Variants in PEX5 observed in about 807,000 individuals in gnomAD.
PEX5 encodes the protein PTS1 receptor.
Under a neutral mutation model 82.9 loss-of-function variants are expected in PEX5, and 52 were observed. That is an observed-to-expected ratio of 0.63 (90% CI 0.50 to 0.79). PEX5 has a LOEUF of 0.79. Among genes scored for constraint, PEX5 ranks in the 30% least tolerant of loss-of-function variants. The pLI is 0.00. For missense variants in PEX5, 719 were observed against 815.2 expected (o/e 0.88, Z 1.44); for synonymous variants, 300 against 318.8 (o/e 0.94, Z 0.63).
chr12:7,208,440 C>T lies in PEX5; in HGVS notation c.1182-17C>T. The T allele has an allele frequency of 6.3e-7, 1 of 1,595,116 alleles. No individual in the cohort carries two copies. Among genetic ancestry groups the T allele is most frequent in the Non-Finnish European group, 8.6e-7 (1 of 1,163,220 alleles). On this transcript the variant is annotated splice_polypyrimidine_tract_variant and intron_variant, in intron 12 of 15. Transcript: ENST00000675855. Reference sequence around the variant, plus strand: ...AGTCATTGCAGATATCAAGTCTGCCCATCCCTGATCAAACAGGTGTCTGGA... The same window carrying T: ...AGTCATTGCAGATATCAAGTCTGCCTATCCCTGATCAAACAGGTGTCTGGA...
chr12:7,194,090 T>A (rs928514576), intron 5 of PEX5, among the ~76,000 whole-genome samples: 4 of 152,244 alleles, frequency 2.6e-5, no homozygotes, highest in Non-Finnish European at 4.4e-5. Flanking sequence ...GACTTTTTTT[T>A]ATTATCCTTC....
intron 12 of PEX5, 62 bp from the exon 13 acceptor site, chr12:7,208,395 T>C: frequency 4.1e-6 from 5 of 1,221,414 alleles, no homozygotes; most frequent in East Asian, 2.4e-5. Flanking sequence ...GATCCCAGGG[T>C]GCTCACATGT....
At chr12:7,208,421 T>G in intron 12 of PEX5, 36 bp from the exon 13 acceptor site, 1 of 1,496,410 alleles carries the variant, frequency 6.7e-7, no homozygotes, top group Non-Finnish European at 9.3e-7. Context: ...TGTCAGTCAT[T>G]GCAGATATCA....
chr12:7,193,036 G>A (rs570524679), intron 5 of PEX5, among the ~76,000 whole-genome samples: 80 of 152,264 alleles, frequency 5.3e-4, no homozygotes, highest in Non-Finnish European at 9.3e-4. Flanking sequence ...AACAGTAGGT[G>A]CTCTTGGCTT....
At chr12:7,191,161 G>A in intron 3 of PEX5, 65 bp from the exon 4 acceptor site, 1 of 1,588,286 alleles carries the variant, frequency 6.3e-7, no homozygotes, top group Non-Finnish European at 8.6e-7. Flanking sequence ...CCCCTCCAGT[G>A]GGTCCTGCCT....
chr12:7,203,229 C>CGG (rs1944363434), intron 9 of PEX5, among the ~76,000 whole-genome samples: 1 of 82,710 alleles, frequency 1.2e-5, no homozygotes, highest in African/African-American at 3.6e-5. Flanking sequence ...CACTACATTA[C>CGG]ATTTCTGGCC....
chr12:7,204,489 T>G (rs1053247279), intron 10 of PEX5, among the ~76,000 whole-genome samples: 2 of 152,244 alleles, frequency 1.3e-5, no homozygotes, highest in Admixed American at 6.5e-5. Flanking sequence ...TTGCTTATTA[T>G]TCCAGTCTGA....
At chr12:7,190,283 C>G in intron 1 of PEX5, 79 bp from the exon 2 acceptor site, 1 of 1,595,212 alleles carries the variant, frequency 6.3e-7, no homozygotes, top group Non-Finnish European at 8.5e-7. Flanking sequence ...TGTGTGCCTT[C>G]CTCAGATACG....
downstream of PEX5, among the ~76,000 whole-genome samples, chr12:7,215,313 T>C (rs530566577): frequency 6.6e-6 from 1 of 152,168 alleles, no homozygotes; most frequent in Non-Finnish European, 1.5e-5. Context: ...TGTAAATCAG[T>C]TCAGCCACTG....
intron 2 of PEX5, 113 bp from the exon 3 acceptor site, chr12:7,190,775 T>TAAA (rs1940932568): frequency 7.6e-7 from 1 of 1,323,426 alleles, no homozygotes; most frequent in Admixed American, 1.7e-5. Flanking sequence ...CACCTTTAAA[T>TAAA]AAATGCAACC....
intron 5 of PEX5, among the ~76,000 whole-genome samples, chr12:7,194,317 GA>G (rs1051153880): frequency 1.4e-4 from 21 of 148,924 alleles, no homozygotes; most frequent in South Asian, 2.1e-4. Context: ...ACTGGAAGTT[GA>G]AAAAAAAAAT....
chr12:7,202,292 G>C lies in PEX5; in HGVS notation c.694G>C (p.Gly232Arg). Residue 232 changes from glycine (G) to arginine (R), a missense_variant, in exon 8 of 16, where the codon GGT (glycine) becomes CGT (arginine). Coordinates refer to ENST00000675855, the MANE Select transcript of PEX5 (RefSeq NM_001351132.2). ...IGEGQVSLES[G>R]AGSGRAQAEQ... ...CGAAGGGCAGGTGTCCCTGGAGTCC[G>C]GTGCAGGGTCGGGCCGAGCTCAGGC... The C allele has an allele frequency of 2.5e-6, 4 of 1,614,084 alleles. No homozygotes were observed. The highest frequency in any genetic ancestry group is 2.2e-5 in the South Asian group (2 of 91,078).
chr12:7,189,731 G>A lies in PEX5; in HGVS notation c.-36G>A, dbSNP rs1214605246. 1 of 394,106 alleles carries A rather than the reference G, an allele frequency of 2.5e-6. No homozygotes were observed. The highest frequency in any genetic ancestry group is 4.3e-6 in the Non-Finnish European group (1 of 230,068). The allele number at this position is 394,106 out of a possible 1,614,324, so 24.4% of individuals were successfully genotyped here. ...CCAGCACCTGGTGCCCCGGCGGGTCGTGCGGCGCGGCGCTCCGCGGTGAGC... is the reference window on the plus strand; with the variant it reads ...CCAGCACCTGGTGCCCCGGCGGGTCATGCGGCGCGGCGCTCCGCGGTGAGC... On this transcript the variant is annotated 5_prime_UTR_variant, in exon 1 of 16. The change creates a new upstream start codon in the 5' untranslated region. Transcript: ENST00000675855.
At chr12:7,208,407 C>A in intron 12 of PEX5, 50 bp from the exon 13 acceptor site, 1 of 1,397,706 alleles carries the variant, frequency 7.2e-7, no homozygotes, top group Non-Finnish European at 1.0e-6. Flanking sequence ...CTCACATGTG[C>A]CAGTGTCAGT....
Position 7,191,557 on chromosome 12 carries a change from C to CTG in PEX5, c.317-11_317-10insGT, listed in dbSNP as rs779639697. Reference sequence around the variant, plus strand: ...TGTATTCTTTCTTAGTTTTCTCTCTCTCTCTTTTAAGCCCCTGGTGTGGCA... The same window carrying CTG: ...TGTATTCTTTCTTAGTTTTCTCTCTCTGTCTCTTTTAAGCCCCTGGTGTGGCA... On this transcript the variant is annotated splice_polypyrimidine_tract_variant and intron_variant, in intron 4 of 15. Coordinates refer to ENST00000675855, the MANE Select transcript of PEX5 (RefSeq NM_001351132.2). The CTG allele has an allele frequency of 5.6e-6, 9 of 1,613,858 alleles. No homozygotes were observed. In the Admixed American group the frequency reaches 1.5e-4, roughly 27 times the overall value.
At chr12:7,192,505 T>C (rs774001886) in intron 5 of PEX5, among the ~76,000 whole-genome samples, 7 of 152,262 alleles carry the variant, frequency 4.6e-5, no homozygotes, top group African/African-American at 1.2e-4. Flanking sequence ...TATGATTGAT[T>C]CTTCTTGCCC....
chr12:7,216,812 A>AACAC (rs1945793250), intron 17 of PEX5, among the ~76,000 whole-genome samples: 1 of 152,178 alleles, frequency 6.6e-6, no homozygotes. Context: ...TTTTTCTTGT[A>AACAC]ACACAGCAGG....
At position 7,202,378 on chromosome 12, in the gene PEX5, A is replaced by G. The variant is rs1242990738; in HGVS notation, c.753+27A>G. The G allele has an allele frequency of 3.1e-6, 5 of 1,613,476 alleles. No homozygotes were observed. In the Admixed American group the frequency reaches 6.7e-5, roughly 22 times the overall value. On this transcript the variant is annotated intron_variant, in intron 8 of 15. Transcript: ENST00000675855. ...TAGGACATTGTCACTTTCCAGTCCCACTTCAGAGCCAGCTGATGCCCCAGG... is the reference window on the plus strand; with the variant it reads ...TAGGACATTGTCACTTTCCAGTCCCGCTTCAGAGCCAGCTGATGCCCCAGG...
chr12:7,197,252 T>TATATA (rs370703108), intron 5 of PEX5, among the ~76,000 whole-genome samples: 5,829 of 15,420 alleles, frequency 0.38, 2,589 homozygotes, highest in Non-Finnish European at 0.6. Flanking sequence ...TTATATGTCA[T>TATATA]ATGTAATAAT....
Sources: allele counts gnomAD v4.1 joint callset (sites outside exome capture counted in the v4.1 genomes callset), GRCh38; gene constraint gnomAD v4.1.1; transcripts MANE v1.5; gene names NCBI Gene and HGNC (gene_info 2026-07-23, HGNC 2026-07-21).